The following AASS variants were observed in gnomAD, a reference collection of about 807,000 sequenced individuals.
AASS encodes the protein aminoadipate-semialdehyde synthase, also known as alpha-aminoadipic semialdehyde synthase, mitochondrial.
In AASS, 86 loss-of-function variants were observed where a neutral mutation model predicts 105.4. The observed-to-expected ratio is 0.82, with a 90% CI of 0.69 to 0.98. The LOEUF (loss-of-function observed/expected upper bound fraction) is 0.98. Among genes scored for constraint, AASS ranks in the 50% least tolerant of loss-of-function variants. AASS has a pLI of 0.00. For synonymous variants in AASS, 381 were observed against 394.8 expected (o/e 0.96, Z 0.41); for missense variants, 1,048 against 1,143.2 (o/e 0.92, Z 1.20).
intron 11 of AASS, among the ~76,000 whole-genome samples, chr7:122,110,884 A>T (rs1427365064): frequency 2.6e-5 from 4 of 152,124 alleles, no homozygotes; most frequent in African/African-American, 9.6e-5. Context: ...AGGTTAACAT[A>T]CAACCAAGTT....
chr7:122,100,811 A>G (rs1474411242), intron 13 of AASS, among the ~76,000 whole-genome samples: 1 of 151,882 alleles, frequency 6.6e-6, no homozygotes, highest in East Asian at 1.9e-4. Context: ...TAAAGTAACT[A>G]TTCTCTTGAG....
Position 122,113,141 on chromosome 7 carries a change from G to C in AASS, c.1255C>G (p.Leu419Val). The C allele has an allele frequency of 6.2e-7, 1 of 1,613,898 alleles. No homozygotes were observed. The highest frequency in any genetic ancestry group is 2.2e-5 in the East Asian group (1 of 44,834). Residue 419 changes from leucine (L) to valine (V), a missense_variant, in exon 11 of 24, where the codon CTT (leucine) becomes GTT (valine). By Grantham distance (32) the Leu-to-Val change is conservative. Transcript: ENST00000417368. ...ACCATTTCTTCAACATAAGGGTAAAGCATGTCTCCAAAGCATTCTGTAGCT... is the reference window on the plus strand; with the variant it reads ...ACCATTTCTTCAACATAAGGGTAAACCATGTCTCCAAAGCATTCTGTAGCT... ...IEATECFGDMLYPYVEEMILS... is the reference protein window; with the variant it reads ...IEATECFGDMVYPYVEEMILS...
At chr7:122,131,005 TA>T in intron 2 of AASS, among the ~76,000 whole-genome samples, 1 of 139,380 alleles carries the variant, frequency 7.2e-6, no homozygotes, top group South Asian at 2.3e-4. Flanking sequence ...AATAAATATG[TA>T]AATACACACA....
Position 122,074,040 on chromosome 7 carries a change from T to A in AASS, c.*2449A>T, listed in dbSNP as rs115894200. Among the ~76,000 whole-genome samples, 930 of 152,240 alleles carry A rather than the reference T, an allele frequency of 6.1e-3. 11 individuals are homozygous for A. The highest frequency in any genetic ancestry group is 0.021 in the African/African-American group (874 of 41,480). ...ATTATAAATAATGCTGCAAAGAACA[T>A]CTGTGCACAAGTTTTTGTGTAGACA... On this transcript the variant is annotated 3_prime_UTR_variant, in exon 24 of 24. Coordinates refer to ENST00000417368, the MANE Select transcript of AASS (RefSeq NM_005763.4).
At chr7:122,104,022 G>C (rs1794550787) in intron 11 of AASS, among the ~76,000 whole-genome samples, 1 of 151,810 alleles carries the variant, frequency 6.6e-6, no homozygotes, top group Non-Finnish European at 1.5e-5. Context: ...AAATCACAAA[G>C]ATAAACAGGA....
intron 4 of AASS, among the ~76,000 whole-genome samples, chr7:122,125,732 C>A (rs1472375755): frequency 2.0e-5 from 3 of 152,186 alleles, no homozygotes; most frequent in Admixed American, 6.5e-5. Flanking sequence ...CCAGTATAAG[C>A]CTGCCGGGGC....
At chr7:122,085,780 A>G (rs1320260795) in intron 19 of AASS, among the ~76,000 whole-genome samples, 2 of 151,940 alleles carry the variant, frequency 1.3e-5, no homozygotes, top group African/African-American at 4.8e-5. Context: ...TTGATCTCCA[A>G]CTCTCACTAA....
intron 6 of AASS, among the ~76,000 whole-genome samples, chr7:122,117,940 G>A (rs1795264274): frequency 6.6e-6 from 1 of 152,064 alleles, no homozygotes; most frequent in South Asian, 2.1e-4. Context: ...ATAGGTGTGA[G>A]CCACCATGTC....
At chr7:122,143,714 C>A (rs972755453) in intron 1 of AASS, among the ~76,000 whole-genome samples, 1 of 151,988 alleles carries the variant, frequency 6.6e-6, no homozygotes, top group Non-Finnish European at 1.5e-5. Flanking sequence ...CTCCATCCAC[C>A]GCCCCCTCAG....
At chr7:122,107,708 T>A (rs908306612) in intron 11 of AASS, among the ~76,000 whole-genome samples, 1 of 151,940 alleles carries the variant, frequency 6.6e-6, no homozygotes, top group African/African-American at 2.4e-5. Context: ...TGAGGACACA[T>A]AGACACATAG....
intron 1 of AASS, among the ~76,000 whole-genome samples, chr7:122,141,362 G>A (rs781505732): frequency 1.3e-5 from 2 of 151,974 alleles, no homozygotes; most frequent in Non-Finnish European, 2.9e-5. Flanking sequence ...TATAATTTTA[G>A]CTTCATTGAA....
intron 19 of AASS, chr7:122,081,855 C>T (rs1489527431): frequency 6.7e-6 from 3 of 449,508 alleles, no homozygotes; most frequent in Non-Finnish European, 1.2e-5. Flanking sequence ...TCAATAGTGT[C>T]ATAACAATTC....
rs188741683 is a variant in AASS, at chr7:122,143,859, T to C, written c.-16+302A>G. ...GAAAGAAAAGAAATCCGAATTGCAA[T>C]CCCTCGCCTTTCTACTTAGAAATGC... On this transcript the variant is annotated intron_variant, in intron 1 of 23. Transcript: ENST00000417368. Among the ~76,000 whole-genome samples the C allele has an allele frequency of 1.2e-4, 19 of 152,246 alleles. No individual in the cohort carries two copies. The East Asian group carries it at 3.1e-3, about 25-fold the overall frequency.
At chr7:122,133,860 T>C in intron 1 of AASS, 119 bp from the exon 2 acceptor site, 2 of 895,990 alleles carry the variant, frequency 2.2e-6, no homozygotes, top group South Asian at 2.7e-5. Flanking sequence ...AGACACAAGG[T>C]AGAGAAGAGG....
chr7:122,122,330 A>C (rs1278170135), intron 4 of AASS, among the ~76,000 whole-genome samples: 1 of 152,188 alleles, frequency 6.6e-6, no homozygotes, highest in East Asian at 1.9e-4. Flanking sequence ...AAAAAAACAG[A>C]ATTTAAGTGA....
chr7:122,111,674 C>T (rs943213861), intron 11 of AASS, among the ~76,000 whole-genome samples: 7 of 151,998 alleles, frequency 4.6e-5, no homozygotes, highest in African/African-American at 1.5e-4. Flanking sequence ...GAGGCCGAGG[C>T]GGGTGGATCA....
chr7:122,139,296 T>C (rs966448057), intron 1 of AASS, among the ~76,000 whole-genome samples: 1 of 152,190 alleles, frequency 6.6e-6, no homozygotes, highest in Non-Finnish European at 1.5e-5. Context: ...ATGCACTTGG[T>C]AAAGATATAA....
chr7:122,082,041 G>A (rs73717784), intron 19 of AASS, among the ~76,000 whole-genome samples: 1,722 of 152,208 alleles, frequency 0.011, 30 homozygotes, highest in African/African-American at 0.039. Flanking sequence ...TATAATGGAA[G>A]GAGGAACTTG....
At chr7:122,113,287 T>A in intron 10 of AASS, 58 bp from the exon 11 acceptor site, 3 of 1,442,078 alleles carry the variant, frequency 2.1e-6, no homozygotes, top group Non-Finnish European at 2.9e-6. Flanking sequence ...AAGTTCTGAC[T>A]TTTCCAGATG....
Sources: allele counts gnomAD v4.1 joint callset (sites outside exome capture counted in the v4.1 genomes callset), GRCh38; gene constraint gnomAD v4.1.1; transcripts MANE v1.5; gene names NCBI Gene and HGNC (gene_info 2026-07-23, HGNC 2026-07-21).